The following DRC8 variants were observed in gnomAD, a reference collection of about 807,000 sequenced individuals.
DRC8 encodes dynein regulatory complex subunit 8, also known as dynein regulatory complex protein 8.
chr1:245,055,957 T>C, the DRC8 span, among the ~76,000 whole-genome samples: 14 of 152,160 alleles, frequency 9.2e-5, no homozygotes, highest in South Asian at 2.9e-3. Flanking sequence ...GCAGTGGCCA[T>C]TTACAGGTGT....
the DRC8 span, among the ~76,000 whole-genome samples, chr1:245,076,977 A>G: frequency 2.2e-4 from 33 of 152,144 alleles, no homozygotes; most frequent in East Asian, 2.1e-3. Flanking sequence ...CGCCCACCTT[A>G]GCCTCCCAAA....
At chr1:245,010,461 G>A in the DRC8 span, among the ~76,000 whole-genome samples, 12 of 152,126 alleles carry the variant, frequency 7.9e-5, no homozygotes, top group Non-Finnish European at 1.3e-4. Context: ...GGGAGCAGTG[G>A]GTGCCTGATG....
At chr1:244,997,840 T>G in the DRC8 span, among the ~76,000 whole-genome samples, 1 of 152,072 alleles carries the variant, frequency 6.6e-6, no homozygotes, top group East Asian at 1.9e-4. Flanking sequence ...CCACTGTGTC[T>G]GGCCCTGAAA....
At chr1:244,985,155 T>A in the DRC8 span, among the ~76,000 whole-genome samples, 2 of 150,608 alleles carry the variant, frequency 1.3e-5, no homozygotes, top group Non-Finnish European at 3.0e-5. Context: ...ATACGCTTCA[T>A]CATAGAGAGC....
the DRC8 span, among the ~76,000 whole-genome samples, chr1:245,098,558 T>C: frequency 3.3e-5 from 5 of 152,216 alleles, no homozygotes; most frequent in African/African-American, 1.2e-4. Context: ...CCCAGTTGTT[T>C]CTCTTCAGTG....
the DRC8 span, among the ~76,000 whole-genome samples, chr1:245,118,832 A>AAAGAAAAGAAAAGAAAAG: frequency 7.9e-6 from 1 of 127,130 alleles, no homozygotes. Context: ...AAAGAAAAGA[A>AAAGAAAAGAAAAGAAAAG]AAGAAAAAAA....
At chr1:245,105,837 G>A in the DRC8 span, among the ~76,000 whole-genome samples, 131 of 152,250 alleles carry the variant, frequency 8.6e-4, no homozygotes, top group Non-Finnish European at 9.7e-4. Flanking sequence ...AACACTTTGG[G>A]AGGCCAAGGC....
chr1:245,058,550 A>G, the DRC8 span, among the ~76,000 whole-genome samples: 1 of 152,258 alleles, frequency 6.6e-6, no homozygotes, highest in African/African-American at 2.4e-5. Context: ...GTGGTAAAGA[A>G]ATTAACTACT....
At chr1:245,063,859 G>T in the DRC8 span, among the ~76,000 whole-genome samples, 1 of 152,024 alleles carries the variant, frequency 6.6e-6, no homozygotes, top group African/African-American at 2.4e-5. Flanking sequence ...GTAGCTGGGG[G>T]TTACAGGCAC....
the DRC8 span, among the ~76,000 whole-genome samples, chr1:245,070,915 T>G: frequency 6.6e-6 from 1 of 152,216 alleles, no homozygotes; most frequent in Admixed American, 6.5e-5. Flanking sequence ...AGCTAGTTTT[T>G]GCCCTTGCAT....
the DRC8 span, among the ~76,000 whole-genome samples, chr1:244,999,326 C>T: frequency 6.6e-6 from 1 of 151,854 alleles, no homozygotes; most frequent in South Asian, 2.1e-4. Flanking sequence ...GGCCTGGAAT[C>T]CCTTCACTTG....
At chr1:245,088,633 C>A in the DRC8 span, among the ~76,000 whole-genome samples, 1 of 152,182 alleles carries the variant, frequency 6.6e-6, no homozygotes, top group Admixed American at 6.5e-5. The surrounding 1 kb of genome is among the most constrained non-coding windows in gnomAD (Gnocchi z 4.6). Flanking sequence ...TGTTCAGGGT[C>A]CCGTGCAAGT....
the DRC8 span, among the ~76,000 whole-genome samples, chr1:245,073,523 C>T: frequency 2.1e-4 from 32 of 151,970 alleles, no homozygotes; most frequent in African/African-American, 3.6e-4. Context: ...ATCCAGGGGA[C>T]GGGGCGTGGC....
At chr1:245,065,256 T>C in the DRC8 span, among the ~76,000 whole-genome samples, 4 of 131,428 alleles carry the variant, frequency 3.0e-5, no homozygotes, top group Non-Finnish European at 5.3e-5. Flanking sequence ...TTTCACCATG[T>C]TGGCCAGGCT....
chr1:245,027,510 G>A, the DRC8 span, among the ~76,000 whole-genome samples: 2 of 152,050 alleles, frequency 1.3e-5, no homozygotes, highest in Admixed American at 6.6e-5. Flanking sequence ...CATAAGAGAC[G>A]ATATTTATTT....
At chr1:245,111,894 G>T in the DRC8 span, among the ~76,000 whole-genome samples, 3 of 152,088 alleles carry the variant, frequency 2.0e-5, no homozygotes, top group Admixed American at 6.5e-5. Flanking sequence ...AAAATTAGCT[G>T]GGTGTGGCAC....
At chr1:245,028,111 A>G in the DRC8 span, among the ~76,000 whole-genome samples, 22 of 152,090 alleles carry the variant, frequency 1.4e-4, no homozygotes, top group Non-Finnish European at 2.8e-4. Context: ...GCTGGGCTTG[A>G]ACTTCCGGGC....
At chr1:244,995,306 A>T in the DRC8 span, among the ~76,000 whole-genome samples, 2 of 151,738 alleles carry the variant, frequency 1.3e-5, no homozygotes, top group African/African-American at 4.8e-5. Context: ...GGTTGCAGTG[A>T]GCCGAGATTG....
chr1:245,060,093 T>A, the DRC8 span, among the ~76,000 whole-genome samples: 1 of 152,194 alleles, frequency 6.6e-6, no homozygotes, highest in South Asian at 2.1e-4. Flanking sequence ...CTTTTCAGAA[T>A]TGCTTATCTA....
Sources: gnomAD v4.1 joint callset for allele counts (sites outside exome capture counted in the v4.1 genomes callset) on GRCh38, gnomAD v4.1.1 for gene constraint, Gnocchi (gnomAD v3.1) non-coding constraint, MANE v1.5 for transcripts, NCBI Gene and HGNC (gene_info 2026-07-23, HGNC 2026-07-21) for gene names.